The following GXYLT1 variants were observed in gnomAD, a reference collection of about 807,000 sequenced individuals.
The protein encoded by GXYLT1 is glucoside xylosyltransferase 1.
GXYLT1 carries 29 observed loss-of-function variants against 54.0 expected under a neutral mutation model. The ratio of observed to expected loss-of-function variants is 0.54; its 90% CI spans 0.40 to 0.73. The LOEUF (loss-of-function observed/expected upper bound fraction) is 0.73. Ranked by LOEUF, GXYLT1 falls within the 30% of genes least tolerant of loss-of-function variation. The pLI, the probability that GXYLT1 is intolerant of heterozygous loss-of-function variation, is 0.00. For missense variants in GXYLT1, 490 were observed against 553.4 expected (o/e 0.89, Z 1.15); for synonymous variants, 176 against 204.1 (o/e 0.86, Z 1.17).
intron 7 of GXYLT1, among the ~76,000 whole-genome samples, chr12:42,093,161 G>A (rs1425933689): frequency 2.6e-5 from 4 of 152,176 alleles, no homozygotes; most frequent in Admixed American, 6.5e-5. Flanking sequence ...GCAATGGAGC[G>A]ATCCTGGCTC....
At chr12:42,122,512 C>A (rs1454873443) in intron 2 of GXYLT1, among the ~76,000 whole-genome samples, 2 of 152,128 alleles carry the variant, frequency 1.3e-5, no homozygotes, top group African/African-American at 4.8e-5. Flanking sequence ...ATTGCATGAA[C>A]CCAGGAGGCA....
intron 2 of GXYLT1, among the ~76,000 whole-genome samples, chr12:42,122,482 CGA>C (rs1320212849): frequency 6.6e-6 from 1 of 152,046 alleles, no homozygotes; most frequent in African/African-American, 2.4e-5. Context: ...CCCAGCTATT[CGA>C]GAGGCTGAGA....
At chr12:42,132,043 CA>C (rs1279266580) in intron 1 of GXYLT1, among the ~76,000 whole-genome samples, 1 of 152,138 alleles carries the variant, frequency 6.6e-6, no homozygotes, top group Admixed American at 6.5e-5. Flanking sequence ...ATCTCAAAAA[CA>C]AATTCAATTT....
chr12:42,095,383 T>C (rs184771199), intron 7 of GXYLT1, among the ~76,000 whole-genome samples: 5 of 151,748 alleles, frequency 3.3e-5, no homozygotes, highest in East Asian at 1.9e-4. Context: ...TGTCCAAACA[T>C]AGAGAATGGC....
chr12:42,119,254 C>T (rs995080452), intron 2 of GXYLT1, 83 bp from the exon 3 acceptor site: 29 of 1,172,736 alleles, frequency 2.5e-5, no homozygotes, highest in Non-Finnish European at 7.4e-6. Flanking sequence ...AAAAGTGAAG[C>T]TCAAAGCCAG....
intron 2 of GXYLT1, among the ~76,000 whole-genome samples, chr12:42,126,120 C>A (rs1014310304): frequency 1.3e-5 from 2 of 148,838 alleles, no homozygotes; most frequent in African/African-American, 2.5e-5. Context: ...GTCACTCAGG[C>A]TGGAGTGCAG....
intron 1 of GXYLT1, among the ~76,000 whole-genome samples, chr12:42,141,408 G>T (rs2065651802): frequency 6.6e-6 from 1 of 152,094 alleles, no homozygotes; most frequent in African/African-American, 2.4e-5. Context: ...TAGTTTTACT[G>T]AATTTTCATC....
chr12:42,144,245 A>C (rs1288292174), intron 1 of GXYLT1, among the ~76,000 whole-genome samples, 181 bp downstream of exon 1: 1 of 152,206 alleles, frequency 6.6e-6, no homozygotes, highest in African/African-American at 2.4e-5. Context: ...GGACACTCTC[A>C]GGCGGGAGCA....
chr12:42,138,302 C>T (rs201829548), intron 1 of GXYLT1, among the ~76,000 whole-genome samples: 5 of 151,326 alleles, frequency 3.3e-5, no homozygotes, highest in African/African-American at 7.3e-5. Context: ...AATAAATAAA[C>T]AAACAAACAA....
At chr12:42,120,709 TA>T (rs1355053930) in intron 2 of GXYLT1, among the ~76,000 whole-genome samples, 1 of 152,062 alleles carries the variant, frequency 6.6e-6, no homozygotes, top group African/African-American at 2.4e-5. Context: ...TCTTTTTTTT[TA>T]TTTTTTGTAG....
At chr12:42,125,885 G>A (rs779301249) in intron 2 of GXYLT1, among the ~76,000 whole-genome samples, 1 of 151,796 alleles carries the variant, frequency 6.6e-6, no homozygotes, top group Non-Finnish European at 1.5e-5. Flanking sequence ...AAATTATTTG[G>A]CTATGGTGGC....
chr12:42,130,181 C>T (rs1363966193), intron 1 of GXYLT1, among the ~76,000 whole-genome samples: 3 of 152,122 alleles, frequency 2.0e-5, no homozygotes. Flanking sequence ...TACACATATA[C>T]CCCTAGAACA....
intron 4 of GXYLT1, among the ~76,000 whole-genome samples, chr12:42,108,801 A>C (rs1215385037): frequency 6.6e-6 from 1 of 152,160 alleles, no homozygotes; most frequent in African/African-American, 2.4e-5. Flanking sequence ...TCTTCCCCAT[A>C]ATTTATATAA....
chr12:42,133,595 C>A (rs1208207121), intron 1 of GXYLT1, among the ~76,000 whole-genome samples: 1 of 152,192 alleles, frequency 6.6e-6, no homozygotes, highest in Non-Finnish European at 1.5e-5. Flanking sequence ...TTCTGATCTA[C>A]CAACCTACTG....
At chr12:42,124,997 T>TATAC (rs1565578162) in intron 2 of GXYLT1, among the ~76,000 whole-genome samples, 244 of 152,262 alleles carry the variant, frequency 1.6e-3, no homozygotes, top group African/African-American at 5.6e-3. Flanking sequence ...TAACACCATA[T>TATAC]GGTATCAGCC....
At chr12:42,137,749 T>C (rs376323326) in intron 1 of GXYLT1, among the ~76,000 whole-genome samples, 1,459 of 105,174 alleles carry the variant, frequency 0.014, 14 homozygotes, top group Middle Eastern at 0.041. Context: ...AGAGCGAGAC[T>C]CCATCTCAAA....
At chr12:42,141,038 C>T (rs2065649422) in intron 1 of GXYLT1, among the ~76,000 whole-genome samples, 1 of 152,170 alleles carries the variant, frequency 6.6e-6, no homozygotes, top group Non-Finnish European at 1.5e-5. Flanking sequence ...CACTGCCTAT[C>T]CAGCATTCCT....
chr12:42,141,100 C>T (rs1447799493), intron 1 of GXYLT1, among the ~76,000 whole-genome samples: 2 of 152,190 alleles, frequency 1.3e-5, no homozygotes, highest in Non-Finnish European at 2.9e-5. Context: ...ATTCTGTCTG[C>T]CACAGGAATG....
chr12:42,099,415 T>C (rs746553996), intron 5 of GXYLT1, among the ~76,000 whole-genome samples: 1 of 152,182 alleles, frequency 6.6e-6, no homozygotes. Context: ...GTAGTTTTAA[T>C]AGGTTGAGGT....
Sources: allele counts gnomAD v4.1 joint callset (sites outside exome capture counted in the v4.1 genomes callset), GRCh38; gene constraint gnomAD v4.1.1; transcripts MANE v1.5; gene names NCBI Gene and HGNC (gene_info 2026-07-23, HGNC 2026-07-21).